FILIP1L: variants seen among roughly 807,000 people sequenced by gnomAD.
The protein encoded by FILIP1L is filamin A-interacting protein 1-like.
In FILIP1L, 55 loss-of-function variants were observed where a neutral mutation model predicts 96.6. The ratio of observed to expected loss-of-function variants is 0.57; its 90% CI spans 0.46 to 0.71. FILIP1L has a LOEUF of 0.71. FILIP1L is among the 30% of genes least tolerant of loss of function. The pLI, the probability that FILIP1L is intolerant of heterozygous loss-of-function variation, is 0.00. For synonymous variants in FILIP1L, 467 were observed against 473.9 expected, an observed-to-expected ratio of 0.99 and a Z score of 0.19; for missense variants, 1,304 against 1,321.2, an observed-to-expected ratio of 0.99 and a Z score of 0.20.
intron 1 of FILIP1L, among the ~76,000 whole-genome samples, chr3:99,960,620 T>A (rs1338218243): frequency 6.6e-6 from 1 of 152,174 alleles, no homozygotes; most frequent in Non-Finnish European, 1.5e-5. Flanking sequence ...TTTACCTGCT[T>A]CCTAATCATT....
intron 1 of FILIP1L, among the ~76,000 whole-genome samples, chr3:100,091,038 A>C (rs541317994): frequency 3.0e-4 from 45 of 152,152 alleles, no homozygotes; most frequent in African/African-American, 9.6e-4. Context: ...GTAATCCCAG[A>C]ACTTTGGGAG....
intron 1 of FILIP1L, among the ~76,000 whole-genome samples, chr3:100,031,891 A>G (rs1307819987): frequency 6.6e-6 from 1 of 152,240 alleles, no homozygotes; most frequent in East Asian, 1.9e-4. Flanking sequence ...AAAATCAGCC[A>G]AAGACAATAC....
chr3:100,007,814 GGCCACTGCCA>G (rs1016263666), intron 1 of FILIP1L, among the ~76,000 whole-genome samples: 1 of 152,176 alleles, frequency 6.6e-6, no homozygotes, highest in Non-Finnish European at 1.5e-5. Flanking sequence ...ACAGGGAATT[GGCCACTGCCA>G]GCCACTGAGG....
chr3:99,896,390 A>C (rs1706253089), intron 4 of FILIP1L, among the ~76,000 whole-genome samples: 1 of 152,190 alleles, frequency 6.6e-6, no homozygotes, highest in African/African-American at 2.4e-5. Flanking sequence ...AACAGTCTGC[A>C]TGCCCCATTA....
intron 1 of FILIP1L, among the ~76,000 whole-genome samples, chr3:99,942,430 G>A (rs745960650): frequency 6.6e-6 from 1 of 152,166 alleles, no homozygotes; most frequent in Non-Finnish European, 1.5e-5. Context: ...TGGGTAAAGA[G>A]AACATGGGTT....
chr3:99,985,764 T>C (rs955038547), intron 1 of FILIP1L, among the ~76,000 whole-genome samples: 10 of 152,244 alleles, frequency 6.6e-5, no homozygotes, highest in African/African-American at 2.4e-4. Context: ...GGTTTTTGTA[T>C]TTTTACTAGA....
rs1944107885 is a variant in FILIP1L at position 99,858,959 on chromosome 3, A to T, written c.606-7889T>A. Among the ~76,000 whole-genome samples, 4 of 152,346 alleles carry T rather than the reference A, an allele frequency of 2.6e-5. No individual in the cohort carries two copies. The South Asian group carries it at 8.3e-4, about 32-fold the overall frequency. ...ATTCACTGGCTTAGTCACTGCTTTG[A>T]TGTTTCCATCATTAATAAAGCCAGT... On this transcript the variant is annotated intron_variant, in intron 4 of 5. Transcript: ENST00000477258.
intron 1 of FILIP1L, among the ~76,000 whole-genome samples, chr3:100,075,040 A>G (rs747889718): frequency 3.3e-5 from 5 of 150,318 alleles, no homozygotes; most frequent in Non-Finnish European, 7.4e-5. Context: ...TTGTTTGTAT[A>G]AAGCTATTTT....
chr3:99,873,224 T>C (rs1046652580), intron 4 of FILIP1L, among the ~76,000 whole-genome samples: 5 of 152,252 alleles, frequency 3.3e-5, no homozygotes, highest in Non-Finnish European at 5.9e-5. Context: ...TATTTAAATA[T>C]AATTTACAAA....
chr3:100,017,784 A>C (rs547625751), intron 1 of FILIP1L, among the ~76,000 whole-genome samples: 66 of 152,136 alleles, frequency 4.3e-4, no homozygotes, highest in African/African-American at 1.5e-3. Flanking sequence ...AAAAAGAAAC[A>C]CTGGTCTTCT....
intron 1 of FILIP1L, among the ~76,000 whole-genome samples, chr3:99,962,864 A>G (rs973785355): frequency 6.6e-6 from 1 of 152,218 alleles, no homozygotes; most frequent in Non-Finnish European, 1.5e-5. Context: ...GCCTTAAGAC[A>G]ATGGCTGTAG....
intron 5 of FILIP1L, among the ~76,000 whole-genome samples, chr3:99,836,944 C>T (rs761855590): frequency 3.9e-5 from 6 of 152,158 alleles, no homozygotes; most frequent in Non-Finnish European, 8.8e-5. Flanking sequence ...CTCCCTAAAG[C>T]GTATTTCCTT....
At chr3:100,019,331 G>C (rs1466164288) in intron 1 of FILIP1L, among the ~76,000 whole-genome samples, 1 of 152,138 alleles carries the variant, frequency 6.6e-6, no homozygotes, top group Admixed American at 6.6e-5. Context: ...CTGCACTCCA[G>C]CCTGGGTGAA....
rs7634558 is a variant in FILIP1L at position 99,872,930 on chromosome 3, T to A, written c.606-21860A>T. Among the ~76,000 whole-genome samples, 1,341 of 151,282 alleles carry A rather than the reference T, an allele frequency of 8.9e-3. 11 individuals carry two copies. Among genetic ancestry groups the A allele is most frequent in the African/African-American group, 0.021 (873 of 41,280 alleles). ...AGAATCTCAAGTCTTTTTTTTTTTT[T>A]AAAAAAAGGAGGGATGTGCAAAGGC... On this transcript the variant is annotated intron_variant, in intron 4 of 5. Transcript: ENST00000477258.
chr3:100,043,262 A>G (rs1174342049), intron 1 of FILIP1L, among the ~76,000 whole-genome samples: 1 of 152,214 alleles, frequency 6.6e-6, no homozygotes, highest in Non-Finnish European at 1.5e-5. Context: ...GAAAAGAGAA[A>G]ATATATGCAG....
At chr3:100,017,302 G>A (rs1490172637) in intron 1 of FILIP1L, among the ~76,000 whole-genome samples, 2 of 152,154 alleles carry the variant, frequency 1.3e-5, no homozygotes, top group Non-Finnish European at 2.9e-5. Context: ...GGTTTTTGGG[G>A]CTCCAGTGTA....
Position 99,850,019 on chromosome 3 carries a change from C to T in FILIP1L, c.1657G>A (p.Val553Ile), listed in dbSNP as rs769449136. 38 of 1,607,734 alleles carry T rather than the reference C, an allele frequency of 2.4e-5. No homozygotes were observed. The South Asian group carries it at 2.9e-4, about 12-fold the overall frequency. Reference protein sequence around the residue: ...TKRALKSKTDVEEKMYSVTKE... With the variant: ...TKRALKSKTDIEEKMYSVTKE... ...GTTACGCTGTACATCTTTTCTTCTA[C>T]ATCGGTTTTGGACTTGAGCGCCCTT... is the stretch of plus-strand genomic sequence containing the variant. Residue 553 changes from valine (V) to isoleucine (I), a missense_variant, in exon 5 of 6, where the codon GTA becomes ATA. Physicochemically the swap from Val to Ile is conservative, Grantham distance 29. Coordinates refer to ENST00000477258, the MANE Select transcript of FILIP1L (RefSeq NM_001387850.1).
At chr3:99,859,527 T>C (rs1012563304) in intron 4 of FILIP1L, among the ~76,000 whole-genome samples, 2 of 152,242 alleles carry the variant, frequency 1.3e-5, no homozygotes, top group African/African-American at 4.8e-5. Context: ...ATATGTTGAT[T>C]ACTAAGCAGA....
At chr3:99,930,153 T>C (rs1707431322) in intron 2 of FILIP1L, 124 bp from the exon 3 acceptor site, 2 of 777,094 alleles carry the variant, frequency 2.6e-6, no homozygotes, top group East Asian at 5.3e-5. Flanking sequence ...ATATTTCATT[T>C]TCACACTTTT....
Sources: gnomAD v4.1 joint callset for allele counts (sites outside exome capture counted in the v4.1 genomes callset) on GRCh38, gnomAD v4.1.1 for gene constraint, MANE v1.5 for transcripts, NCBI Gene and HGNC (gene_info 2026-07-23, HGNC 2026-07-21) for gene names.